SUMF1: variants seen among roughly 807,000 people sequenced by gnomAD.
SUMF1 encodes sulfatase modifying factor 1.
Under a neutral mutation model 47.6 loss-of-function variants are expected in SUMF1, and 48 were observed. That is an observed-to-expected ratio of 1.01 (90% confidence interval 0.80 to 1.28). The LOEUF is 1.28. Among genes scored for constraint, SUMF1 ranks in the 50% most tolerant of loss-of-function variants. The probability of loss-of-function intolerance (pLI) is 0.00; values close to 1 mark genes in which losing one functional copy is unlikely to be tolerated. For synonymous variants in SUMF1, 230 were observed against 192.1 expected (o/e 1.20, Z -1.63); for missense variants, 571 against 485.4 (o/e 1.18, Z -1.66).
At chr3:4,041,717 G>A (rs1223028127) in intron 9 of SUMF1, among the ~76,000 whole-genome samples, 2 of 152,172 alleles carry the variant, frequency 1.3e-5, no homozygotes, top group African/African-American at 4.8e-5. Flanking sequence ...AACACATCTT[G>A]TAAGGCACAG....
At chr3:4,066,081 C>T (rs1315882107) in intron 9 of SUMF1, among the ~76,000 whole-genome samples, 1 of 152,008 alleles carries the variant, frequency 6.6e-6, no homozygotes, top group Non-Finnish European at 1.5e-5. Context: ...GGGCATAAAG[C>T]AGGGTAGGGA....
intron 3 of SUMF1, among the ~76,000 whole-genome samples, chr3:4,441,131 A>G (rs961017622): frequency 2.2e-4 from 34 of 152,306 alleles, no homozygotes; most frequent in African/African-American, 8.2e-4. Flanking sequence ...CTGTATTTAC[A>G]GCCCGCTCCT....
At chr3:4,080,074 A>G (rs1692527072) in intron 8 of SUMF1, among the ~76,000 whole-genome samples, 1 of 151,948 alleles carries the variant, frequency 6.6e-6, no homozygotes, top group South Asian at 2.1e-4. Context: ...AGGGTCCTGT[A>G]TTTCCAGGGG....
intron 5 of SUMF1, 59 bp downstream of exon 5, chr3:4,417,951 G>GT: frequency 6.2e-7 from 1 of 1,611,692 alleles, no homozygotes; most frequent in Non-Finnish European, 8.5e-7. Context: ...GTTTTTTGTT[G>GT]TTGTTTGTTT....
intron 8 of SUMF1, among the ~76,000 whole-genome samples, chr3:4,243,271 G>T (rs1041509394): frequency 6.6e-5 from 10 of 152,026 alleles, no homozygotes; most frequent in Admixed American, 5.9e-4. Context: ...CTTCAGTTTT[G>T]CTCTGATCTT....
chr3:4,258,770 C>A (rs1412911769), intron 8 of SUMF1, among the ~76,000 whole-genome samples: 2 of 140,020 alleles, frequency 1.4e-5, no homozygotes, highest in East Asian at 2.0e-4. Context: ...TGGGTATATA[C>A]CCAAAGGACT....
At chr3:4,104,356 C>A (rs1367353480) in intron 8 of SUMF1, among the ~76,000 whole-genome samples, 1 of 152,040 alleles carries the variant, frequency 6.6e-6, no homozygotes, top group African/African-American at 2.4e-5. Flanking sequence ...ACCTCTTTTT[C>A]TGTATAAATT....
At chr3:4,078,117 A>G (rs900303290) in intron 8 of SUMF1, among the ~76,000 whole-genome samples, 1 of 152,106 alleles carries the variant, frequency 6.6e-6, no homozygotes, top group Non-Finnish European at 1.5e-5. Context: ...CTGATTGCAT[A>G]TGGTACTGTT....
At chr3:4,382,978 G>T (rs1700556769) in intron 7 of SUMF1, among the ~76,000 whole-genome samples, 1 of 152,052 alleles carries the variant, frequency 6.6e-6, no homozygotes, top group African/African-American at 2.4e-5. Flanking sequence ...TAGGTGACGG[G>T]TTGATGGGTG....
intron 8 of SUMF1, among the ~76,000 whole-genome samples, chr3:4,118,143 C>G (rs115464401): frequency 0.029 from 4,442 of 152,056 alleles, 246 homozygotes; most frequent in African/African-American, 0.1. Context: ...CCTCTCCCCA[C>G]AAGACATAGG....
intron 8 of SUMF1, among the ~76,000 whole-genome samples, chr3:4,243,719 C>G (rs1696597470): frequency 6.6e-6 from 1 of 152,102 alleles, no homozygotes; most frequent in Non-Finnish European, 1.5e-5. Context: ...TGATGTGGTG[C>G]TGAGAAGAAT....
chr3:4,038,071 C>T (rs1694833270), intron 9 of SUMF1, among the ~76,000 whole-genome samples: 2 of 152,134 alleles, frequency 1.3e-5, no homozygotes, highest in Non-Finnish European at 2.9e-5. Context: ...TAAGAGCTGG[C>T]TGTAGATCGT....
chr3:4,169,311 A>C (rs1291631119), intron 8 of SUMF1, among the ~76,000 whole-genome samples: 7 of 152,322 alleles, frequency 4.6e-5, no homozygotes, highest in Non-Finnish European at 1.0e-4. Flanking sequence ...AATAGGAGTT[A>C]ACAATGATCA....
intron 8 of SUMF1, among the ~76,000 whole-genome samples, chr3:4,265,777 T>C (rs1697180569): frequency 6.6e-6 from 1 of 152,346 alleles, no homozygotes; most frequent in Admixed American, 6.5e-5. Flanking sequence ...CCATTGCTTT[T>C]AGTGTTTTAG....
chr3:4,236,466 G>C (rs1020415307), intron 8 of SUMF1, among the ~76,000 whole-genome samples: 1 of 151,972 alleles, frequency 6.6e-6, no homozygotes, highest in Admixed American at 6.6e-5. Context: ...TAAAAAAATA[G>C]ACTTTAGCCA....
intron 8 of SUMF1, among the ~76,000 whole-genome samples, chr3:4,083,642 T>C (rs996059950): frequency 3.3e-5 from 5 of 152,178 alleles, no homozygotes; most frequent in Admixed American, 6.5e-5. Context: ...GAAGAACTTA[T>C]ACCTCTGGCT....
intron 6 of SUMF1, among the ~76,000 whole-genome samples, chr3:4,416,476 C>T (rs1012298259): frequency 1.3e-5 from 2 of 152,074 alleles, no homozygotes; most frequent in African/African-American, 4.8e-5. Flanking sequence ...TCCAGTCTTA[C>T]CTAAATGCAA....
chr3:4,048,820 T>A (rs1695053050), intron 9 of SUMF1, among the ~76,000 whole-genome samples: 1 of 152,262 alleles, frequency 6.6e-6, no homozygotes, highest in South Asian at 2.1e-4. Flanking sequence ...AGATTCTAAT[T>A]TCTCTGAGGC....
At chr3:4,314,273 T>TTA (rs1162624197) in intron 8 of SUMF1, 1 of 155,358 alleles carries the variant, frequency 6.4e-6, no homozygotes, top group Non-Finnish European at 1.4e-5. Flanking sequence ...TAAGTCACTG[T>TTA]TATTGTAAGT....
Sources: allele counts gnomAD v4.1 joint callset (sites outside exome capture counted in the v4.1 genomes callset), GRCh38; gene constraint gnomAD v4.1.1; transcripts MANE v1.5; gene names NCBI Gene and HGNC (gene_info 2026-07-23, HGNC 2026-07-21).